Variants in CEP192 observed in about 807,000 individuals in gnomAD.
CEP192 encodes centrosomal protein of 192 kDa.
In CEP192, 151 loss-of-function variants were observed where a neutral mutation model predicts 271.8. The ratio of observed to expected loss-of-function variants is 0.56; its 90% confidence interval spans 0.49 to 0.64. The LOEUF is 0.64. Ranked by LOEUF, CEP192 falls within the 30% of genes least tolerant of loss-of-function variation. The probability of loss-of-function intolerance (pLI) is 0.00; values close to 1 mark genes in which losing one functional copy is unlikely to be tolerated. For synonymous variants in CEP192, 995 were observed against 1,076.5 expected (o/e 0.92, Z 1.48); for missense variants, 2,910 against 3,020.5 (o/e 0.96, Z 0.86).
chr18:13,002,043 C>G (rs1167747830), intron 3 of CEP192, among the ~76,000 whole-genome samples: 1 of 152,166 alleles, frequency 6.6e-6, no homozygotes, highest in African/African-American at 2.4e-5. Context: ...GCATTTTAAT[C>G]ACGTTTAGTC....
chr18:13,124,555 C>A, intron 44 of CEP192, 77 bp from the exon 45 acceptor site: 1 of 1,408,252 alleles, frequency 7.1e-7, no homozygotes, highest in Non-Finnish European at 9.5e-7. Context: ...AACACCTGAG[C>A]CAGGCACTGT....
intron 18 of CEP192, among the ~76,000 whole-genome samples, chr18:13,055,399 C>T (rs1267254443): frequency 6.6e-6 from 1 of 152,130 alleles, no homozygotes; most frequent in Non-Finnish European, 1.5e-5. Flanking sequence ...AAGTTGTTAC[C>T]GTTTCAAGCT....
chr18:13,009,094 G>A (rs2034175628), intron 4 of CEP192, among the ~76,000 whole-genome samples: 1 of 148,266 alleles, frequency 6.7e-6, no homozygotes, highest in South Asian at 2.2e-4. Flanking sequence ...CTGGGCTCAA[G>A]CAATTCACCC....
chr18:13,037,735 TG>T (rs2035990502), intron 12 of CEP192, among the ~76,000 whole-genome samples: 1 of 152,134 alleles, frequency 6.6e-6, no homozygotes, highest in Non-Finnish European at 1.5e-5. Flanking sequence ...TTTTATTTTT[TG>T]TAGTGATGGA....
intron 30 of CEP192, among the ~76,000 whole-genome samples, chr18:13,084,774 C>G (rs779959869): frequency 6.6e-6 from 1 of 151,938 alleles, no homozygotes; most frequent in Non-Finnish European, 1.5e-5. Context: ...CTCTAATGAT[C>G]GCCATTCTCA....
chr18:13,063,463 A>G (rs902542811), intron 21 of CEP192, among the ~76,000 whole-genome samples: 6 of 152,194 alleles, frequency 3.9e-5, no homozygotes, highest in Non-Finnish European at 7.3e-5. Flanking sequence ...TTCTCTGATG[A>G]TCAGTGATGT....
At chr18:13,048,356 T>C (rs1489915578) in intron 15 of CEP192, among the ~76,000 whole-genome samples, 2 of 152,162 alleles carry the variant, frequency 1.3e-5, no homozygotes, top group African/African-American at 4.8e-5. Context: ...TCAGATCGAC[T>C]CTAGGGATGT....
chr18:13,073,265 C>T (rs3809908), intron 30 of CEP192, 80 bp downstream of exon 30: 164,472 of 1,216,518 alleles, frequency 0.14, 12,559 homozygotes, highest in East Asian at 0.29. Flanking sequence ...GTAAATTATA[C>T]AGTCTGCCTT....
chr18:13,078,782 C>T (rs1269865952), intron 30 of CEP192, among the ~76,000 whole-genome samples: 1 of 152,202 alleles, frequency 6.6e-6, no homozygotes, highest in East Asian at 1.9e-4. Context: ...TATCCCTTCC[C>T]CTGCCCCCCA....
chr18:13,106,666 A>G (rs890162112), intron 40 of CEP192, among the ~76,000 whole-genome samples: 1 of 151,170 alleles, frequency 6.6e-6, no homozygotes, highest in East Asian at 1.9e-4. Context: ...CCACACAGGT[A>G]CCACCACCAC....
chr18:13,040,997 T>C (rs1386511564), intron 14 of CEP192, 41 bp downstream of exon 14: 2 of 1,563,630 alleles, frequency 1.3e-6, no homozygotes, highest in Non-Finnish European at 1.7e-6. Context: ...ATCTTTTTTT[T>C]CTTAAATGCG....
intron 11 of CEP192, among the ~76,000 whole-genome samples, chr18:13,036,557 C>T (rs948658397): frequency 6.6e-6 from 1 of 152,242 alleles, no homozygotes. Context: ...AAGTTCTTGG[C>T]GATTCTGATG....
At chr18:13,119,971 T>A (rs576333445) in intron 44 of CEP192, among the ~76,000 whole-genome samples, 1 of 152,258 alleles carries the variant, frequency 6.6e-6, no homozygotes, top group Non-Finnish European at 1.5e-5. Flanking sequence ...GTCAAAACTT[T>A]CCTGCAGTTA....
At chr18:13,121,636 T>C (rs1276436872) in intron 44 of CEP192, among the ~76,000 whole-genome samples, 2 of 152,256 alleles carry the variant, frequency 1.3e-5, no homozygotes, top group Non-Finnish European at 2.9e-5. Context: ...CTTATATCTT[T>C]TTTAAAAGAA....
At chr18:13,082,780 TAGTG>T (rs2038691227) in intron 30 of CEP192, among the ~76,000 whole-genome samples, 1 of 152,216 alleles carries the variant, frequency 6.6e-6, no homozygotes, top group African/African-American at 2.4e-5. Flanking sequence ...TTTCCATGTT[TAGTG>T]CTTCCTTCAG....
rs1409252786 is a variant in CEP192, at chr18:13,001,529, C to G, written c.237C>G (p.Ser79Arg). Residue 79 changes from serine (S) to arginine (R), a missense_variant, in exon 3 of 45, where the codon AGC becomes AGG. By Grantham distance (110) the Ser-to-Arg change is moderately radical. Transcript: ENST00000506447. ...FSVPSGSSPG[S>R]QSDAEPRERL... ...TTCCATCCGGGTCATCTCCCGGAAGCCAGAGTGATGCTGAACCAAGAGAGA... is the reference window on the plus strand; with the variant it reads ...TTCCATCCGGGTCATCTCCCGGAAGGCAGAGTGATGCTGAACCAAGAGAGA... 1 of 1,551,016 alleles carries G rather than the reference C, an allele frequency of 6.4e-7. No homozygotes were observed. The highest frequency in any genetic ancestry group is 8.7e-7 in the Non-Finnish European group (1 of 1,146,680).
At chr18:13,057,345 G>A (rs762917052) in intron 19 of CEP192, among the ~76,000 whole-genome samples, 2 of 151,600 alleles carry the variant, frequency 1.3e-5, no homozygotes, top group African/African-American at 2.4e-5. Flanking sequence ...TTGATTAGCC[G>A]TAATTGTGAG....
At chr18:13,018,041 G>T (rs1243540797) in intron 7 of CEP192, among the ~76,000 whole-genome samples, 3 of 152,086 alleles carry the variant, frequency 2.0e-5, no homozygotes, top group African/African-American at 7.2e-5. Flanking sequence ...AAACGTTTTG[G>T]CAAGAATACA....
chr18:13,097,210 C>A (rs558599386), intron 36 of CEP192, among the ~76,000 whole-genome samples: 9 of 152,156 alleles, frequency 5.9e-5, no homozygotes, highest in African/African-American at 2.2e-4. Context: ...TCACAGCCCG[C>A]TTTTTCTGTA....
Sources: gnomAD v4.1 joint callset for allele counts (sites outside exome capture counted in the v4.1 genomes callset) on GRCh38, gnomAD v4.1.1 for gene constraint, MANE v1.5 for transcripts, NCBI Gene and HGNC (gene_info 2026-07-23, HGNC 2026-07-21) for gene names.